ADAMTSL3: variants seen among roughly 807,000 people sequenced by gnomAD.
ADAMTSL3 encodes ADAMTS like 3.
ADAMTSL3 carries 128 observed loss-of-function variants against 201.7 expected under a neutral mutation model. That is an observed-to-expected ratio of 0.63 (90% CI 0.55 to 0.73). ADAMTSL3 has a LOEUF of 0.73. ADAMTSL3 is among the 30% of genes least tolerant of loss of function. The probability of loss-of-function intolerance (pLI) is 0.00; values close to 1 mark genes in which losing one functional copy is unlikely to be tolerated. For synonymous variants in ADAMTSL3, 738 were observed against 748.4 expected, an observed-to-expected ratio of 0.99 and a Z score of 0.23; for missense variants, 1,990 against 2,119.6, an observed-to-expected ratio of 0.94 and a Z score of 1.20.
chr15:83,794,152 C>T (rs2063386710), intron 4 of ADAMTSL3, among the ~76,000 whole-genome samples: 7 of 152,134 alleles, frequency 4.6e-5, no homozygotes, highest in Admixed American at 4.6e-4. Flanking sequence ...AAAAGGTTCA[C>T]AACAAGAAAT....
intron 7 of ADAMTSL3, among the ~76,000 whole-genome samples, chr15:83,848,413 T>C (rs2064545450): frequency 6.6e-6 from 1 of 152,244 alleles, no homozygotes; most frequent in Non-Finnish European, 1.5e-5. Flanking sequence ...TTCCTGTACA[T>C]CTTGCTACTT....
intron 7 of ADAMTSL3, among the ~76,000 whole-genome samples, chr15:83,854,595 G>A (rs527607804): frequency 5.7e-4 from 87 of 152,274 alleles, no homozygotes; most frequent in Non-Finnish European, 1.2e-3. Flanking sequence ...CCTTGACAAC[G>A]TGTAAATATT....
chr15:83,694,672 T>C (rs1320007383), intron 2 of ADAMTSL3, among the ~76,000 whole-genome samples: 1 of 152,162 alleles, frequency 6.6e-6, no homozygotes. Flanking sequence ...GGAGGAATAG[T>C]TGAGTTTTTA....
rs1480217988 is a variant in ADAMTSL3, at chr15:83,845,414, T to TA, written c.727+7200dup. ...CGCTGGAGATGATTCTGCTTCCTGT[T>TA]ATGATTTCAGTGGGACTAAATGATA... On this transcript the variant is annotated intron_variant, in intron 7 of 29. Coordinates refer to ENST00000286744, the MANE Select transcript of ADAMTSL3 (RefSeq NM_207517.3). Among the ~76,000 whole-genome samples, 3 of 152,194 alleles carry TA rather than the reference T, an allele frequency of 2.0e-5. No homozygotes were observed. In the East Asian group the frequency reaches 5.8e-4, roughly 29 times the overall value.
intron 2 of ADAMTSL3, among the ~76,000 whole-genome samples, chr15:83,675,489 T>C (rs548144888): frequency 6.6e-6 from 1 of 152,218 alleles, no homozygotes; most frequent in East Asian, 1.9e-4. Context: ...GGTCATGGCC[T>C]ATCATTCTTT....
intron 3 of ADAMTSL3, chr15:83,739,648 G>A (rs1019026927): frequency 5.3e-6 from 1 of 189,670 alleles, no homozygotes; most frequent in African/African-American, 2.4e-5. Flanking sequence ...TCTGGATAAG[G>A]GATACTCAAC....
chr15:83,725,084 G>C (rs1300088034), intron 3 of ADAMTSL3, among the ~76,000 whole-genome samples: 2 of 150,950 alleles, frequency 1.3e-5, no homozygotes, highest in Non-Finnish European at 1.5e-5. Flanking sequence ...GAGTGGGATT[G>C]CTGGAACATG....
chr15:83,967,377 C>A (rs1300620626), intron 19 of ADAMTSL3, among the ~76,000 whole-genome samples: 2 of 152,126 alleles, frequency 1.3e-5, no homozygotes, highest in African/African-American at 4.8e-5. Context: ...CATTCCTATA[C>A]AACAATAATA....
chr15:83,908,311 C>A (rs79211113), intron 15 of ADAMTSL3, among the ~76,000 whole-genome samples: 1 of 152,060 alleles, frequency 6.6e-6, no homozygotes, highest in Non-Finnish European at 1.5e-5. Context: ...TTTCCTGATA[C>A]GGTTGTTGTT....
intron 3 of ADAMTSL3, among the ~76,000 whole-genome samples, chr15:83,734,125 A>G (rs1314083381): frequency 1.3e-5 from 2 of 152,208 alleles, no homozygotes; most frequent in African/African-American, 4.8e-5. Flanking sequence ...TAAAATATAG[A>G]CTATGAACTC....
chr15:83,708,136 G>A (rs1247410468), intron 3 of ADAMTSL3, among the ~76,000 whole-genome samples: 1 of 152,190 alleles, frequency 6.6e-6, no homozygotes, highest in African/African-American at 2.4e-5. Context: ...GTGCTGTCCT[G>A]CTGTCACAGT....
intron 23 of ADAMTSL3, among the ~76,000 whole-genome samples, chr15:83,992,360 G>A (rs889341298): frequency 6.6e-5 from 10 of 152,180 alleles, no homozygotes; most frequent in Admixed American, 6.5e-4. Flanking sequence ...AATCCCTGCA[G>A]TGTTTGGCCT....
intron 2 of ADAMTSL3, among the ~76,000 whole-genome samples, chr15:83,686,197 A>G (rs897124792): frequency 6.6e-6 from 1 of 152,214 alleles, no homozygotes; most frequent in Non-Finnish European, 1.5e-5. Flanking sequence ...AAAGAAGGGT[A>G]TAGACCGGTT....
At chr15:83,972,791 T>C (rs1270206023) in intron 20 of ADAMTSL3, among the ~76,000 whole-genome samples, 2 of 152,154 alleles carry the variant, frequency 1.3e-5, no homozygotes, top group Admixed American at 1.3e-4. Flanking sequence ...ACTTCAGCTG[T>C]AGCCTCGCCT....
chr15:83,971,180 A>T (rs2067187795), intron 20 of ADAMTSL3, among the ~76,000 whole-genome samples: 3 of 152,230 alleles, frequency 2.0e-5, no homozygotes, highest in Admixed American at 2.0e-4. Flanking sequence ...TTATAGCCAA[A>T]GCTAATATGC....
At chr15:83,816,186 T>G (rs945412187) in intron 5 of ADAMTSL3, among the ~76,000 whole-genome samples, 1 of 152,276 alleles carries the variant, frequency 6.6e-6, no homozygotes, top group Non-Finnish European at 1.5e-5. Flanking sequence ...TCTTCTTTGC[T>G]GTGGGAACTG....
intron 10 of ADAMTSL3, among the ~76,000 whole-genome samples, chr15:83,889,782 G>A (rs1021322761): frequency 6.6e-6 from 1 of 152,154 alleles, no homozygotes; most frequent in African/African-American, 2.4e-5. Flanking sequence ...AGTTCGAAGT[G>A]CTGAGAGTAC....
intron 3 of ADAMTSL3, chr15:83,739,864 A>G: frequency 1.7e-6 from 1 of 601,378 alleles, no homozygotes; most frequent in Admixed American, 1.9e-5. Flanking sequence ...ACTGCCTGGA[A>G]CACAGCATCC....
At chr15:83,837,979 G>T in intron 6 of ADAMTSL3, 110 bp from the exon 7 acceptor site, 1 of 1,353,044 alleles carries the variant, frequency 7.4e-7, no homozygotes. Context: ...TCATAAAAGA[G>T]AGCCAAACTG....
Sources: allele counts gnomAD v4.1 joint callset (sites outside exome capture counted in the v4.1 genomes callset), GRCh38; gene constraint gnomAD v4.1.1; transcripts MANE v1.5; gene names NCBI Gene and HGNC (gene_info 2026-07-23, HGNC 2026-07-21).